LPIN1: variants seen among roughly 807,000 people sequenced by gnomAD.
The protein encoded by LPIN1 is phosphatidate phosphatase LPIN1.
In LPIN1, 71 loss-of-function variants were observed where a neutral mutation model predicts 107.5. The observed-to-expected ratio is 0.66, with a 90% CI of 0.55 to 0.80. The LOEUF is 0.80. Among genes scored for constraint, LPIN1 ranks in the 30% least tolerant of loss-of-function variants. LPIN1 has a pLI of 0.00. For synonymous variants in LPIN1, 445 were observed against 452.6 expected (o/e 0.98, Z 0.21); for missense variants, 1,043 against 1,160.6 (o/e 0.90, Z 1.47).
chr2:11,822,175 A>T (rs540455427), intron 20 of LPIN1, among the ~76,000 whole-genome samples: 79 of 151,912 alleles, frequency 5.2e-4, no homozygotes, highest in Non-Finnish European at 7.5e-4. Flanking sequence ...TCATGCCTAT[A>T]ATCCCAGCAC....
chr2:11,678,554 C>T (rs778175307), intron 1 of LPIN1, among the ~76,000 whole-genome samples: 177 of 152,262 alleles, frequency 1.2e-3, no homozygotes, highest in Non-Finnish European at 2.2e-3. Flanking sequence ...CAGGGAGACC[C>T]GGGGTTTTCT....
At chr2:11,701,641 A>T (rs1183756009) in intron 1 of LPIN1, among the ~76,000 whole-genome samples, 1 of 152,220 alleles carries the variant, frequency 6.6e-6, no homozygotes, top group Admixed American at 6.5e-5. Context: ...CTTTACCCTC[A>T]TTCTCACTTA....
intron 1 of LPIN1, among the ~76,000 whole-genome samples, chr2:11,684,719 T>G (rs566165143): frequency 4.6e-5 from 7 of 152,266 alleles, no homozygotes; most frequent in African/African-American, 1.7e-4. Flanking sequence ...GAAAAATACT[T>G]TCCTTCCATC....
chr2:11,729,418 C>A (rs1022808390), intron 1 of LPIN1, among the ~76,000 whole-genome samples: 3 of 152,194 alleles, frequency 2.0e-5, no homozygotes, highest in African/African-American at 7.2e-5. Flanking sequence ...GTCTTTCCTC[C>A]AATCCTGTCT....
intron 12 of LPIN1, 151 bp from the exon 13 acceptor site, chr2:11,791,763 C>G (rs1675774214): frequency 1.3e-6 from 2 of 1,488,246 alleles, no homozygotes; most frequent in Non-Finnish European, 1.8e-6. Context: ...TTTTGCTTCT[C>G]TAAAATTTTT....
chr2:11,718,758 C>G (rs771777596), intron 2 of LPIN1, among the ~76,000 whole-genome samples: 1 of 152,192 alleles, frequency 6.6e-6, no homozygotes, highest in Non-Finnish European at 1.5e-5. Flanking sequence ...TCTTTGTGTT[C>G]TGAAACTTCA....
intron 1 of LPIN1, chr2:11,677,777 T>C (rs1212457663): frequency 6.9e-7 from 1 of 1,453,554 alleles, no homozygotes; most frequent in South Asian, 1.2e-5. Flanking sequence ...CTGCTCTTCC[T>C]CCTTCCATCC....
intron 8 of LPIN1, among the ~76,000 whole-genome samples, chr2:11,782,820 T>A (rs960772968): frequency 6.6e-6 from 1 of 152,240 alleles, no homozygotes; most frequent in African/African-American, 2.4e-5. Flanking sequence ...TTTATAAAGC[T>A]GATTATTAGG....
intron 1 of LPIN1, among the ~76,000 whole-genome samples, chr2:11,694,615 G>A (rs1362445918): frequency 6.6e-6 from 1 of 152,200 alleles, no homozygotes; most frequent in Non-Finnish European, 1.5e-5. Flanking sequence ...GTTCTCTGAA[G>A]ATGAGTCCAT....
intron 11 of LPIN1, among the ~76,000 whole-genome samples, chr2:11,787,857 C>T (rs7573199): frequency 0.012 from 1,868 of 151,084 alleles, 25 homozygotes; most frequent in African/African-American, 0.043. Context: ...AGGAGAATGG[C>T]GTGAACCTGG....
At chr2:11,693,777 T>C (rs1176840748) in intron 1 of LPIN1, among the ~76,000 whole-genome samples, 4 of 128,394 alleles carry the variant, frequency 3.1e-5, no homozygotes, top group African/African-American at 1.2e-4. Context: ...TATATGTGTG[T>C]GTGTGAGTGT....
chr2:11,696,877 G>A (rs546187412), intron 1 of LPIN1, among the ~76,000 whole-genome samples: 8 of 152,316 alleles, frequency 5.3e-5, no homozygotes, highest in Non-Finnish European at 1.0e-4. Flanking sequence ...AGTGTCCTGC[G>A]CCCCTCCCTG....
chr2:11,767,690 T>C (rs1671144972), intron 2 of LPIN1, 73 bp from the exon 3 acceptor site: 11 of 923,256 alleles, frequency 1.2e-5, no homozygotes, highest in Non-Finnish European at 1.8e-5. Context: ...CTGTGGAGAC[T>C]TGGCCGTCCC....
At chr2:11,680,643 G>A (rs1324488671) in intron 1 of LPIN1, among the ~76,000 whole-genome samples, 1 of 152,220 alleles carries the variant, frequency 6.6e-6, no homozygotes, top group Non-Finnish European at 1.5e-5. Context: ...CGGGGGTGGA[G>A]CTTTCTAGCT....
intron 7 of LPIN1, among the ~76,000 whole-genome samples, chr2:11,780,948 A>C (rs1435486549): frequency 1.3e-5 from 2 of 152,246 alleles, no homozygotes; most frequent in Non-Finnish European, 2.9e-5. Context: ...TATGTTTCTA[A>C]AAACATGAAA....
chr2:11,769,069 T>C (rs927524246), intron 3 of LPIN1, among the ~76,000 whole-genome samples: 2 of 152,268 alleles, frequency 1.3e-5, no homozygotes, highest in African/African-American at 4.8e-5. Flanking sequence ...GTGTTTGATT[T>C]TTCTTGGTTA....
upstream of LPIN1, chr2:11,741,971 G>A (rs1250623980): frequency 6.6e-6 from 1 of 152,184 alleles, no homozygotes; most frequent in East Asian, 1.9e-4. Context: ...ATATTTTATT[G>A]GTTATCTGGA....
Position 11,827,004 on chromosome 2 carries a change from G to A in LPIN1, c.*2213G>A, listed in dbSNP as rs775862577. 2.0e-5 allele frequency: 3 copies of A among 152,674 alleles called. No individual in the cohort carries two copies. The highest frequency in any genetic ancestry group is 4.4e-5 in the Non-Finnish European group (3 of 68,042). 9.5% of individuals were successfully genotyped at this position (152,674 alleles called of 1,614,324 possible). ...ATGGGCTGCACTCACGCATATACGA[G>A]TTGGTTTATCTTTGTGTACATGACT... is the stretch of plus-strand genomic sequence containing the variant. On this transcript the variant is annotated 3_prime_UTR_variant, in exon 21 of 21. Coordinates refer to ENST00000674199, the MANE Select transcript of LPIN1 (RefSeq NM_001349206.2). The surrounding 1 kb of genome is among the most constrained non-coding windows in gnomAD (Gnocchi z 4.1).
At chr2:11,728,577 G>A (rs533253722) in intron 1 of LPIN1, among the ~76,000 whole-genome samples, 32 of 152,170 alleles carry the variant, frequency 2.1e-4, no homozygotes, top group Admixed American at 1.4e-3. Flanking sequence ...GTAGAGATGG[G>A]GTTTCACCAT....
Sources: gnomAD v4.1 joint callset for allele counts (sites outside exome capture counted in the v4.1 genomes callset) on GRCh38, gnomAD v4.1.1 for gene constraint, Gnocchi (gnomAD v3.1) non-coding constraint, MANE v1.5 for transcripts, NCBI Gene and HGNC (gene_info 2026-07-23, HGNC 2026-07-21) for gene names.